Variants in PPIH observed in about 807,000 individuals in gnomAD.
PPIH encodes peptidylprolyl isomerase H, also known as peptidyl-prolyl cis-trans isomerase H.
Under a neutral mutation model 27.6 loss-of-function variants are expected in PPIH, and 16 were observed. The observed-to-expected ratio is 0.58, with a 90% CI of 0.39 to 0.88. PPIH has a LOEUF of 0.88. PPIH is among the 40% of genes least tolerant of loss of function. The pLI is 0.00. For missense variants in PPIH, 155 were observed against 224.1 expected (o/e 0.69, Z 1.97); for synonymous variants, 63 against 76.1 (o/e 0.83, Z 0.90).
At chr1:42,667,307 G>A (rs1306464365) in intron 8 of PPIH, 44 bp from the exon 9 acceptor site, 58 of 1,523,090 alleles carry the variant, frequency 3.8e-5, no homozygotes, top group Non-Finnish European at 5.3e-5. Flanking sequence ...AGGGAACGAG[G>A]AAGTGCCTGA....
At position 42,658,850 on chromosome 1, in the gene PPIH, G is replaced by A; in HGVS notation, c.73G>A (p.Gly25Ser). 2 of 1,614,232 alleles carry A rather than the reference G, an allele frequency of 1.2e-6. No individual in the cohort carries two copies. Among genetic ancestry groups the A allele is most frequent in the South Asian group, 2.2e-5 (2 of 91,084 alleles). Residue 25 changes from glycine (G) to serine (S), a missense_variant, in exon 2 of 10, where the codon GGC (glycine) becomes AGC (serine). This residue lies in a region of PPIH where 59 missense variants were observed against 48.8 expected (regional missense o/e 1.21). Transcript: ENST00000304979. ...FDVSIGGQEVGRMKIELFADV... is the reference protein window; with the variant it reads ...FDVSIGGQEVSRMKIELFADV... ...ACTCTCCCGCTGATTGCAGGAAGTT[G>A]GCCGCATGAAGATCGAGCTCTTTGC...
chr1:42,674,728 G>C (rs1386162358), intron 9 of PPIH, among the ~76,000 whole-genome samples: 1 of 152,206 alleles, frequency 6.6e-6, no homozygotes, highest in African/African-American at 2.4e-5. Flanking sequence ...TAGTAGTCCA[G>C]GCAAGAGAAA....
At chr1:42,672,914 A>G (rs1392462870) in intron 9 of PPIH, among the ~76,000 whole-genome samples, 1 of 152,020 alleles carries the variant, frequency 6.6e-6, no homozygotes, top group Non-Finnish European at 1.5e-5. Context: ...TTCCCAAAGT[A>G]CTGGGATTAC....
chr1:42,672,803 C>T (rs543349812), intron 9 of PPIH, among the ~76,000 whole-genome samples: 5 of 152,172 alleles, frequency 3.3e-5, no homozygotes, highest in South Asian at 4.2e-4. Context: ...TGCTCCACCA[C>T]GTCTGGCTAA....
chr1:42,665,641 G>A (rs1377121717), intron 6 of PPIH, among the ~76,000 whole-genome samples: 2 of 151,762 alleles, frequency 1.3e-5, no homozygotes, highest in Non-Finnish European at 2.9e-5. Context: ...GAGGTCAGGA[G>A]TTTGAACAAT....
At chr1:42,666,704 C>A in intron 8 of PPIH, 117 bp downstream of exon 8, 2 of 1,075,348 alleles carry the variant, frequency 1.9e-6, no homozygotes, top group Non-Finnish European at 2.8e-6. Context: ...GTCTTCATTG[C>A]CCCAGGAAAA....
chr1:42,670,642 C>G (rs1649578696), intron 9 of PPIH, among the ~76,000 whole-genome samples: 1 of 151,860 alleles, frequency 6.6e-6, no homozygotes, highest in Non-Finnish European at 1.5e-5. Context: ...ATTCCACAGG[C>G]CCGCTAGACC....
intron 9 of PPIH, 92 bp downstream of exon 9, chr1:42,667,532 G>C: frequency 9.3e-7 from 1 of 1,074,746 alleles, no homozygotes; most frequent in Non-Finnish European, 1.4e-6. Flanking sequence ...GAAGACATGA[G>C]ATTGAGCCCA....
chr1:42,671,867 G>C (rs1023664054), intron 9 of PPIH, among the ~76,000 whole-genome samples: 1 of 149,786 alleles, frequency 6.7e-6, no homozygotes, highest in African/African-American at 2.5e-5. Flanking sequence ...AGCCCTATTG[G>C]GCAGTATTTC....
At chr1:42,673,139 C>T (rs1255188442) in intron 9 of PPIH, among the ~76,000 whole-genome samples, 1 of 151,996 alleles carries the variant, frequency 6.6e-6, no homozygotes, top group Admixed American at 6.6e-5. Context: ...GGATTATAGG[C>T]GTGCAGCACC....
intron 8 of PPIH, 112 bp downstream of exon 8, chr1:42,666,699 C>A: frequency 8.9e-7 from 1 of 1,117,460 alleles, no homozygotes; most frequent in Non-Finnish European, 1.3e-6. Context: ...AGGCTGTCTT[C>A]ATTGCCCCAG....
intron 6 of PPIH, 97 bp from the exon 7 acceptor site, chr1:42,665,883 C>A (rs1649303743): frequency 2.0e-6 from 2 of 986,444 alleles, no homozygotes; most frequent in Admixed American, 1.7e-5. Context: ...CTGAAAAAAA[C>A]CATAGAGGAA....
intron 3 of PPIH, 35 bp from the exon 4 acceptor site, chr1:42,659,487 G>T (rs1462789887): frequency 6.2e-7 from 1 of 1,614,052 alleles, no homozygotes; most frequent in Non-Finnish European, 8.5e-7. Context: ...TGTGCTACCT[G>T]CTGTCACTCC....
downstream of PPIH, among the ~76,000 whole-genome samples, chr1:42,677,311 T>G (rs1420726024): frequency 4.0e-5 from 5 of 124,778 alleles, no homozygotes; most frequent in African/African-American, 1.6e-4. Context: ...CCATCCCTAC[T>G]AAAAATAAAT....
In PPIH at chr1:42,658,826, C is replaced by A; in HGVS notation, c.67-18C>A. On this transcript the variant is annotated intron_variant, in intron 1 of 9. Coordinates refer to ENST00000304979, the MANE Select transcript of PPIH (RefSeq NM_006347.4). ...TGGTCTTGGACTGGGCCTTCTGACA[C>A]TCTCCCGCTGATTGCAGGAAGTTGG... is the stretch of plus-strand genomic sequence containing the variant. The A allele has an allele frequency of 6.2e-7, 1 of 1,614,042 alleles. No homozygotes were observed.
chr1:42,665,575 C>G (rs1023216415), intron 6 of PPIH, among the ~76,000 whole-genome samples: 1 of 152,074 alleles, frequency 6.6e-6, no homozygotes, highest in African/African-American at 2.4e-5. Context: ...TGTGGTGGCT[C>G]ACACCTGTAA....
downstream of PPIH, chr1:42,681,064 C>G (rs1650005332): frequency 6.6e-6 from 1 of 152,170 alleles, no homozygotes; most frequent in Admixed American, 6.5e-5. Flanking sequence ...ACTGCATTAG[C>G]CTCCTAACTG....
At chr1:42,662,101 C>T (rs557437213) in intron 5 of PPIH, among the ~76,000 whole-genome samples, 30 of 152,220 alleles carry the variant, frequency 2.0e-4, no homozygotes, top group Non-Finnish European at 3.7e-4. Context: ...GGCTGAGAAG[C>T]TATCCTCTGC....
chr1:42,675,825 G>A (rs922297048), intron 9 of PPIH, among the ~76,000 whole-genome samples: 1 of 152,188 alleles, frequency 6.6e-6, no homozygotes, highest in African/African-American at 2.4e-5. Flanking sequence ...AAGAAGGATT[G>A]CTTTTTGTTC....
Sources: gnomAD v4.1 joint callset for allele counts (sites outside exome capture counted in the v4.1 genomes callset) on GRCh38, gnomAD v4.1.1 for gene constraint, gnomAD v4.1.1 regional missense constraint, MANE v1.5 for transcripts, NCBI Gene and HGNC (gene_info 2026-07-23, HGNC 2026-07-21) for gene names.